Variants in SMARCE1 observed in about 807,000 individuals in gnomAD.
SMARCE1 encodes the protein SWI/SNF related BAF chromatin remodeling complex subunit E1, also known as SWI/SNF-related matrix-associated actin-dependent regulator of chromatin subfamily E member 1.
SMARCE1 carries 13 observed loss-of-function variants against 54.9 expected under a neutral mutation model. The observed-to-expected ratio is 0.24, with a 90% CI of 0.15 to 0.38. The LOEUF is 0.38. Ranked by LOEUF, SMARCE1 falls within the 10% of genes least tolerant of loss-of-function variation. SMARCE1 has a pLI of 1.00. For synonymous variants in SMARCE1, 151 were observed against 175.3 expected (o/e 0.86, Z 1.10); for missense variants, 295 against 523.8 (o/e 0.56, Z 4.26).
intron 7 of SMARCE1, chr17:40,635,616 A>C (rs1474998821): frequency 5.4e-6 from 1 of 186,672 alleles, no homozygotes; most frequent in African/African-American, 2.3e-5. Context: ...ATATAATTAG[A>C]ATGCATTTAG....
At chr17:40,630,516 G>A (rs935217372) in intron 10 of SMARCE1, 198 bp downstream of exon 10, 7 of 631,408 alleles carry the variant, frequency 1.1e-5, no homozygotes, top group African/African-American at 3.7e-5. Flanking sequence ...TAATCTTAAC[G>A]GTAATAACCA....
At chr17:40,647,421 C>G (rs1025137344) in intron 1 of SMARCE1, 2 of 153,030 alleles carry the variant, frequency 1.3e-5, no homozygotes, top group East Asian at 1.9e-4. Flanking sequence ...AATGGGGGAA[C>G]CTTCTGCCCG....
chr17:40,638,833 G>C (rs1268842780), intron 4 of SMARCE1, among the ~76,000 whole-genome samples: 3 of 152,086 alleles, frequency 2.0e-5, no homozygotes, highest in South Asian at 2.1e-4. Flanking sequence ...TTCTGTTGTT[G>C]CTATGATAAA....
At chr17:40,641,203 CCATCCATTACACTTGTGAAACAA>C (rs1244773725) in intron 4 of SMARCE1, 1 of 152,140 alleles carries the variant, frequency 6.6e-6, no homozygotes, top group Non-Finnish European at 1.5e-5. Context: ...GAAAACCTTG[CCATCCATTACACTTGTGAAACAA>C]CATGTTTAGG....
At position 40,635,830 on chromosome 17, in the gene SMARCE1, T is replaced by G. The variant is rs182431620; in HGVS notation, c.541+101A>C. 1.0e-5 allele frequency: 9 copies of G among 874,258 alleles called. No individual in the cohort carries two copies. The Admixed American group carries it at 1.5e-4, about 14-fold the overall frequency. 54.2% of individuals were successfully genotyped at this position (874,258 alleles called of 1,614,324 possible). A position where few individuals can be genotyped will look rare whatever the true frequency, so the allele number is the denominator to read the frequency against. On this transcript the variant is annotated intron_variant, in intron 7 of 10. Coordinates refer to ENST00000348513, the MANE Select transcript of SMARCE1 (RefSeq NM_003079.5). ...AAGACGATACTTAAATTATACTTTC[T>G]TTTCCATTTAGGATAAGAAATAAAA...
At chr17:40,632,843 A>G (rs1002257250) in intron 7 of SMARCE1, 1 of 152,982 alleles carries the variant, frequency 6.5e-6, no homozygotes, top group Non-Finnish European at 1.5e-5. Context: ...GACAGCAGAG[A>G]ATACATCACC....
intron 7 of SMARCE1, chr17:40,633,997 C>T (rs1259153716): frequency 6.6e-6 from 1 of 152,194 alleles, no homozygotes; most frequent in Admixed American, 6.5e-5. Flanking sequence ...GCATGTTAGT[C>T]GTCTGCTTCC....
At chr17:40,647,132 T>A (rs951514109) in intron 1 of SMARCE1, 3 of 152,334 alleles carry the variant, frequency 2.0e-5, no homozygotes, top group East Asian at 3.9e-4. Flanking sequence ...TTGTCCACCG[T>A]TGGATCCATC....
chr17:40,631,729 A>G (rs774792956), intron 8 of SMARCE1, 36 bp from the exon 9 acceptor site: 2 of 1,151,968 alleles, frequency 1.7e-6, no homozygotes, highest in South Asian at 2.5e-5. Context: ...ATTGTGTCTC[A>G]TTTTTTAATG....
chr17:40,646,275 T>A (rs1045343624), intron 1 of SMARCE1, among the ~76,000 whole-genome samples: 3 of 152,214 alleles, frequency 2.0e-5, no homozygotes, highest in Non-Finnish European at 2.9e-5. Context: ...ACAATTTTTA[T>A]TAAAATTAGG....
At position 40,642,863 on chromosome 17, in the gene SMARCE1, C is replaced by T; in HGVS notation, c.52-304G>A. On this transcript the variant is annotated intron_variant, in intron 3 of 10. Transcript: ENST00000348513. This position sits in a 1 kb window ranked among gnomAD's most constrained non-coding sequence, Gnocchi z 4.6. ...AAGCAACACACTGAAGTGTTTAAAACATTCAGGATTACTTTATGGTCAACA... is the reference window on the plus strand; with the variant it reads ...AAGCAACACACTGAAGTGTTTAAAATATTCAGGATTACTTTATGGTCAACA... The T allele has an allele frequency of 6.6e-6, 2 of 303,352 alleles. No individual in the cohort carries two copies. Among genetic ancestry groups the T allele is most frequent in the South Asian group, 7.2e-5 (1 of 13,814 alleles). The allele number at this position is 303,352 out of a possible 1,614,324, so 18.8% of individuals were successfully genotyped here. A position where few individuals can be genotyped will look rare whatever the true frequency, so the allele number is the denominator to read the frequency against.
At chr17:40,634,635 C>A (rs1202153480) in intron 7 of SMARCE1, 1 of 152,214 alleles carries the variant, frequency 6.6e-6, no homozygotes, top group Non-Finnish European at 1.5e-5. Context: ...AACTTTAAGA[C>A]CCAATCTGAA....
chr17:40,636,763 T>TG, intron 5 of SMARCE1: 1 of 356,476 alleles, frequency 2.8e-6, no homozygotes, highest in Non-Finnish European at 5.1e-6. Flanking sequence ...TTATAAATAC[T>TG]TCAATTTGAT....
intron 4 of SMARCE1, among the ~76,000 whole-genome samples, chr17:40,638,599 A>T (rs1432194613): frequency 6.6e-6 from 1 of 152,120 alleles, no homozygotes; most frequent in Non-Finnish European, 1.5e-5. Flanking sequence ...TCTATTTCTG[A>T]ACTTTTTAGT....
chr17:40,628,618 GTGAC>G lies in SMARCE1; in HGVS notation c.*163_*166del, dbSNP rs1413972329. The G allele has an allele frequency of 1.0e-5, 6 of 583,370 alleles. No homozygotes were observed. Among genetic ancestry groups the G allele is most frequent in the Non-Finnish European group, 1.8e-5 (6 of 327,110 alleles). 36.1% of individuals were successfully genotyped at this position (583,370 alleles called of 1,614,324 possible). ...GCCATCTTCACAACACTTAAGAAAG[GTGAC>G]TGACTGAGCCATTAGGCTCATGATG... On this transcript the variant is annotated 3_prime_UTR_variant, in exon 11 of 11. Transcript: ENST00000348513.
chr17:40,645,704 GA>G (rs926752902), intron 2 of SMARCE1, 85 bp from the exon 3 acceptor site: 188 of 1,115,888 alleles, frequency 1.7e-4, no homozygotes, highest in South Asian at 4.5e-4. Flanking sequence ...CTGTTTTGAA[GA>G]AAAAAAAATG....
intron 7 of SMARCE1, chr17:40,633,594 T>C (rs1597744705): frequency 6.6e-6 from 1 of 152,246 alleles, no homozygotes; most frequent in Non-Finnish European, 1.5e-5. Flanking sequence ...CAGAGGCCTA[T>C]GTTGCGCTGC....
Position 40,642,749 on chromosome 17 carries a change from G to C in SMARCE1, c.52-190C>G. Reference sequence around the variant, plus strand: ...TTTTCTTTCATTGAGAAACCTGTCTGCAGTGTCTTTTGGTTGTTTTTCTCT... The same window carrying C: ...TTTTCTTTCATTGAGAAACCTGTCTCCAGTGTCTTTTGGTTGTTTTTCTCT... On this transcript the variant is annotated intron_variant, in intron 3 of 10. Coordinates refer to ENST00000348513, the MANE Select transcript of SMARCE1 (RefSeq NM_003079.5). The surrounding 1 kb of genome is among the most constrained non-coding windows in gnomAD (Gnocchi z 4.6). The C allele has an allele frequency of 1.8e-6, 1 of 554,678 alleles. No individual in the cohort carries two copies. Among genetic ancestry groups the C allele is most frequent in the Non-Finnish European group, 3.2e-6 (1 of 316,632 alleles). 34.4% of individuals were successfully genotyped at this position (554,678 alleles called of 1,614,324 possible). A position where few individuals can be genotyped will look rare whatever the true frequency, so the allele number is the denominator to read the frequency against.
Position 40,625,554 on chromosome 17 carries a change from A to G in SMARCE1, c.*3231T>C, listed in dbSNP as rs1447879975. The G allele has an allele frequency of 1.5e-5, 2 of 137,882 alleles. No individual in the cohort carries two copies. The highest frequency in any genetic ancestry group is 4.3e-4 in the East Asian group (2 of 4,624). The allele number at this position is 137,882 out of a possible 1,614,324, so 8.5% of individuals were successfully genotyped here. ...TATTTCTGAAATGAGGACTTAAAGT[A>G]TAATACCAGCTTCACTGCCTGTTCA... On this transcript the variant is annotated 3_prime_UTR_variant, in exon 11 of 11. Transcript: ENST00000348513.
Sources: allele counts gnomAD v4.1 joint callset (sites outside exome capture counted in the v4.1 genomes callset), GRCh38; gene constraint gnomAD v4.1.1; non-coding constraint Gnocchi (gnomAD v3.1); transcripts MANE v1.5; gene names NCBI Gene and HGNC (gene_info 2026-07-23, HGNC 2026-07-21).